CENPI: variants seen among roughly 807,000 people sequenced by gnomAD.
CENPI encodes centromere protein I.
A neutral mutation model predicts 60.4 loss-of-function variants in CENPI; 4 were observed. The ratio of observed to expected loss-of-function variants is 0.07; its 90% CI spans 0.03 to 0.15. The LOEUF (loss-of-function observed/expected upper bound fraction) is 0.15, where lower values mean the gene tolerates loss of function less well. Ranked by LOEUF, CENPI falls within the 10% of genes least tolerant of loss-of-function variation. CENPI has a pLI of 1.00. For synonymous variants in CENPI, 157 were observed against 189.4 expected, an observed-to-expected ratio of 0.83 and a Z score of 1.40; for missense variants, 444 against 534.5, an observed-to-expected ratio of 0.83 and a Z score of 1.67.
At chrX:101,167,528 T>C (rs1225494745), downstream of CENPI, among the ~76,000 whole-genome samples, 4 of 111,816 alleles carry the variant, frequency 3.6e-5, no homozygotes, top group Non-Finnish European at 5.6e-5. Context: ...TATAATCAGC[T>C]TCATGGACTA....
intron 8 of CENPI, among the ~76,000 whole-genome samples, chrX:101,124,670 A>G (rs747129646): frequency 1.2e-3 from 131 of 110,846 alleles, no homozygotes; most frequent in African/African-American, 4.1e-3. Context: ...CCCCCATGCT[A>G]TTCTTGTGAT....
intron 6 of CENPI, among the ~76,000 whole-genome samples, chrX:101,112,180 G>A (rs1175046000): frequency 8.9e-6 from 1 of 112,442 alleles, no homozygotes; most frequent in African/African-American, 3.2e-5. Flanking sequence ...GAGCATTCAA[G>A]TGAAAAATCA....
Position 101,155,889 on chromosome X carries a change from G to A in CENPI, c.2095-5639G>A, listed in dbSNP as rs374060428. On this transcript the variant is annotated intron_variant, in intron 20 of 21. Transcript: ENST00000682095. ...CTAGATTGTCATGTAAGACTTTTATGATGTAATGTTGAACTTCATGAAGAC... is the reference window on the plus strand; with the variant it reads ...CTAGATTGTCATGTAAGACTTTTATAATGTAATGTTGAACTTCATGAAGAC... Among the ~76,000 whole-genome samples, 8 of 112,495 alleles carry A rather than the reference G, an allele frequency of 7.1e-5. No individual in the cohort carries two copies. The East Asian group carries it at 2.2e-3, about 31-fold the overall frequency.
intron 4 of CENPI, among the ~76,000 whole-genome samples, chrX:101,103,014 A>T (rs1364719315): frequency 2.2e-5 from 2 of 92,889 alleles, no homozygotes; most frequent in Admixed American, 1.3e-4. Flanking sequence ...TTCTTTTGGG[A>T]GACTGGGTCT....
chrX:101,156,314 CTCTT>C (rs1205673245), intron 20 of CENPI, among the ~76,000 whole-genome samples: 1 of 111,521 alleles, frequency 9.0e-6, no homozygotes, highest in African/African-American at 3.3e-5. Context: ...CCGCCTTATC[CTCTT>C]TCTTTAAGTA....
chrX:101,180,490 A>G, the CENPI span, among the ~76,000 whole-genome samples: 2 of 112,059 alleles, frequency 1.8e-5, no homozygotes, highest in East Asian at 2.8e-4. Flanking sequence ...GTTCGAAGAC[A>G]TCTTTATATA....
chrX:101,117,015 C>T lies in CENPI; in HGVS notation c.592-3387C>T, dbSNP rs2089630414. On this transcript the variant is annotated intron_variant, in intron 6 of 21. Transcript: ENST00000682095. ...GAAATGTCTCTTAGGATCCTTTGCC[C>T]TCTTTTAAATTGGGTTGTTCATTAT... Among the ~76,000 whole-genome samples, 5 of 110,921 alleles carry T rather than the reference C, an allele frequency of 4.5e-5. No homozygotes were observed. The South Asian group carries it at 1.5e-3, about 34-fold the overall frequency.
chrX:101,181,500 T>C, the CENPI span, among the ~76,000 whole-genome samples: 2 of 112,531 alleles, frequency 1.8e-5, no homozygotes, highest in African/African-American at 6.4e-5. Context: ...AGTGTACAAG[T>C]CTTATACTTA....
intron 12 of CENPI, among the ~76,000 whole-genome samples, chrX:101,129,703 A>G (rs1431902058): frequency 2.7e-5 from 3 of 112,196 alleles, no homozygotes; most frequent in Non-Finnish European, 5.6e-5. Context: ...TTGCTATGTG[A>G]TATAAAGCTT....
chrX:101,162,157 C>A (rs1232178811), intron 21 of CENPI, among the ~76,000 whole-genome samples: 3 of 109,425 alleles, frequency 2.7e-5, no homozygotes, highest in African/African-American at 1.0e-4. Flanking sequence ...GCCAGCTGGT[C>A]TCGAACTCCT....
intron 6 of CENPI, among the ~76,000 whole-genome samples, chrX:101,119,795 A>C (rs994941685): frequency 1.8e-5 from 2 of 112,192 alleles, no homozygotes; most frequent in African/African-American, 6.5e-5. Flanking sequence ...GATAATTTTG[A>C]AGACTAAACA....
At chrX:101,102,485 TTATATATA>T (rs374865533) in intron 4 of CENPI, 74 bp downstream of exon 4, 8 of 364,535 alleles carry the variant, frequency 2.2e-5, no homozygotes, top group Admixed American at 1.3e-4. Flanking sequence ...AAAATAAATC[TTATATATA>T]TATACACACA....
chrX:101,147,599 T>C (rs1301975353), intron 18 of CENPI, among the ~76,000 whole-genome samples, 164 bp from the exon 19 acceptor site: 1 of 112,242 alleles, frequency 8.9e-6, no homozygotes, highest in Non-Finnish European at 1.9e-5. Context: ...GGAGAATGTA[T>C]CACAAAAGGA....
At chrX:101,157,883 A>G (rs1335527107) in intron 20 of CENPI, among the ~76,000 whole-genome samples, 2 of 110,751 alleles carry the variant, frequency 1.8e-5, no homozygotes, top group Non-Finnish European at 3.8e-5. Context: ...CTGTGATATT[A>G]AACACTAGAA....
intron 15 of CENPI, among the ~76,000 whole-genome samples, chrX:101,139,903 T>C (rs1023494028): frequency 6.9e-4 from 75 of 108,908 alleles, no homozygotes; most frequent in South Asian, 3.3e-3. Flanking sequence ...GGCACGATCT[T>C]GGCTCACTGC....
intron 16 of CENPI, 134 bp from the exon 17 acceptor site, chrX:101,144,930 G>A: frequency 1.0e-5 from 5 of 501,057 alleles, no homozygotes; most frequent in Non-Finnish European, 1.3e-5. Flanking sequence ...TTTTTAAAAA[G>A]TGAATTATAC....
intron 6 of CENPI, among the ~76,000 whole-genome samples, chrX:101,112,657 T>C (rs933780220): frequency 6.2e-5 from 7 of 112,156 alleles, no homozygotes; most frequent in Non-Finnish European, 1.1e-4. Context: ...AGAATTAATA[T>C]AGAAGCACAG....
chrX:101,126,315 G>A (rs180684465), intron 8 of CENPI, among the ~76,000 whole-genome samples: 3 of 111,919 alleles, frequency 2.7e-5, no homozygotes, highest in Non-Finnish European at 5.6e-5. Context: ...ATAATAATCA[G>A]GTATTAGCTT....
intron 12 of CENPI, 87 bp from the exon 13 acceptor site, chrX:101,129,895 T>C: frequency 1.6e-6 from 1 of 620,850 alleles, no homozygotes; most frequent in South Asian, 2.8e-5. Flanking sequence ...TTTTACTTTG[T>C]CACTTGTCAC....
Sources: gnomAD v4.1 joint callset for allele counts (sites outside exome capture counted in the v4.1 genomes callset) on GRCh38, gnomAD v4.1.1 for gene constraint, MANE v1.5 for transcripts, NCBI Gene and HGNC (gene_info 2026-07-23, HGNC 2026-07-21) for gene names.